CDK18: variants seen among roughly 807,000 people sequenced by gnomAD.
The protein encoded by CDK18 is cyclin dependent kinase 18.
In CDK18, 52 loss-of-function variants were observed where a neutral mutation model predicts 62.0. The observed-to-expected ratio is 0.84, with a 90% CI of 0.67 to 1.06. The LOEUF is 1.06. Among genes scored for constraint, CDK18 ranks in the 50% least tolerant of loss-of-function variants. The pLI is 0.00. For missense variants in CDK18, 604 were observed against 619.9 expected, an observed-to-expected ratio of 0.97 and a Z score of 0.27; for synonymous variants, 237 against 247.0, an observed-to-expected ratio of 0.96 and a Z score of 0.38.
chr1:205,515,604 G>T (rs1667780199), intron 1 of CDK18, among the ~76,000 whole-genome samples: 1 of 152,190 alleles, frequency 6.6e-6, no homozygotes, highest in African/African-American at 2.4e-5. Flanking sequence ...GGAAACTGAG[G>T]CATGGGGTGT....
intron 1 of CDK18, among the ~76,000 whole-genome samples, chr1:205,511,782 G>A (rs1558767784): frequency 2.0e-5 from 3 of 152,278 alleles, no homozygotes; most frequent in South Asian, 2.1e-4. Flanking sequence ...GGCCAGGTGC[G>A]GTGGCTCACA....
chr1:205,529,844 A>G (rs1324566462), intron 13 of CDK18: 2 of 1,344,920 alleles, frequency 1.5e-6, no homozygotes, highest in Non-Finnish European at 2.0e-6. Flanking sequence ...TGGGATTAAT[A>G]CCTATTTTAT....
At chr1:205,530,607 C>G (rs1263757844) in intron 14 of CDK18, 21 bp from the exon 15 acceptor site, 1 of 1,610,678 alleles carries the variant, frequency 6.2e-7, no homozygotes, top group Non-Finnish European at 8.5e-7. Context: ...CCTCTCCAGA[C>G]TATGCACTTC....
intron 7 of CDK18, 55 bp from the exon 8 acceptor site, chr1:205,526,720 G>A (rs1255315113): frequency 6.6e-7 from 1 of 1,513,750 alleles, no homozygotes; most frequent in Admixed American, 1.7e-5. Flanking sequence ...CCTGTGTCTG[G>A]GCTTCTGGCC....
At position 205,526,415 on chromosome 1, in the gene CDK18, A is replaced by T. The variant is rs531160591; in HGVS notation, c.620A>T (p.Asp207Val). 6.2e-7 allele frequency: 1 copy of T among 1,613,936 alleles called. No individual in the cohort carries two copies. The highest frequency in any genetic ancestry group is 1.3e-5 in the African/African-American group (1 of 74,946). ...LKHANIVTLH[D>V]LIHTDRSLTL... is the part of the protein sequence containing the mutation. Reference sequence around the variant, plus strand: ...CACGCCAATATTGTGACCCTGCATGACCTCATCCACACAGATCGGTCCCTC... The same window carrying T: ...CACGCCAATATTGTGACCCTGCATGTCCTCATCCACACAGATCGGTCCCTC... The change falls in exon 7 of 16, where the codon GAC becomes GTC. Residue 207 changes from aspartate (D) to valine (V), a missense_variant. Physicochemically the swap from Asp to Val is radical, Grantham distance 152. Coordinates refer to ENST00000429964, the MANE Select transcript of CDK18 (RefSeq NM_212502.3).
Position 205,516,340 on chromosome 1 carries a change from G to A in CDK18, c.-21-6807G>A, listed in dbSNP as rs567298764. Among the ~76,000 whole-genome samples the A allele has an allele frequency of 7.9e-5, 12 of 152,314 alleles. No individual in the cohort carries two copies. In the South Asian group the frequency reaches 2.5e-3, roughly 32 times the overall value. On this transcript the variant is annotated intron_variant, in intron 1 of 15. Coordinates refer to ENST00000429964, the MANE Select transcript of CDK18 (RefSeq NM_212502.3). This position sits in a 1 kb window ranked among gnomAD's most constrained non-coding sequence, Gnocchi z 4.8. ...TGACCGAGGCAGGGGCAGGGACTGG[G>A]AGATAGGGTGTCATAGGGATCCTGG...
intron 1 of CDK18, 26 bp from the exon 2 acceptor site, chr1:205,523,121 T>A (rs759648137): frequency 6.4e-6 from 10 of 1,562,226 alleles, no homozygotes; most frequent in Non-Finnish European, 8.7e-6. Flanking sequence ...TCTTTTCAAC[T>A]GCTCTTCTCA....
rs1010443645 is a variant in CDK18, at chr1:205,523,468, G to A, written c.131-15G>A. On this transcript the variant is annotated splice_polypyrimidine_tract_variant and intron_variant, in intron 2 of 15. Transcript: ENST00000429964. Reference sequence around the variant, plus strand: ...CAGAGAGGCAGGGAGGGGAGCTGACGCCTGTCCCTCTTAGACTTGCAGCTC... The same window carrying A: ...CAGAGAGGCAGGGAGGGGAGCTGACACCTGTCCCTCTTAGACTTGCAGCTC... 3 of 1,596,890 alleles carry A rather than the reference G, an allele frequency of 1.9e-6. No individual in the cohort carries two copies. The highest frequency in any genetic ancestry group is 3.5e-5 in the Admixed American group (2 of 57,852).
intron 1 of CDK18, among the ~76,000 whole-genome samples, chr1:205,505,526 G>A (rs1271050575): frequency 6.6e-6 from 1 of 152,200 alleles, no homozygotes. Flanking sequence ...AGGAGGCTGG[G>A]TGGGGCCGGG....
chr1:205,514,871 C>T (rs1031881844), intron 1 of CDK18, among the ~76,000 whole-genome samples: 2 of 152,200 alleles, frequency 1.3e-5, no homozygotes, highest in African/African-American at 4.8e-5. Flanking sequence ...GAGGAAGCAT[C>T]TCATTCTACC....
chr1:205,511,778 G>A (rs1667574751), intron 1 of CDK18, among the ~76,000 whole-genome samples: 1 of 152,202 alleles, frequency 6.6e-6, no homozygotes, highest in Non-Finnish European at 1.5e-5. Flanking sequence ...TCTTGGCCAG[G>A]TGCGGTGGCT....
intron 1 of CDK18, among the ~76,000 whole-genome samples, chr1:205,514,903 T>C (rs1400926821): frequency 6.6e-6 from 1 of 152,194 alleles, no homozygotes; most frequent in African/African-American, 2.4e-5. Flanking sequence ...GGTGTGGTCA[T>C]GCACAGTCTC....
chr1:205,530,793 C>A (rs11240505), intron 15 of CDK18, 88 bp downstream of exon 15: 3 of 1,054,484 alleles, frequency 2.8e-6, no homozygotes, highest in Non-Finnish European at 4.4e-6. Flanking sequence ...CCCATGGTCC[C>A]CCCACCACTG....
chr1:205,517,527 C>G lies in CDK18; in HGVS notation c.-21-5620C>G, dbSNP rs1451876720. 2.6e-5 allele frequency among the ~76,000 whole-genome samples: 4 copies of G among 152,102 alleles called. No individual in the cohort carries two copies. Among genetic ancestry groups the G allele is most frequent in the Non-Finnish European group, 1.5e-5 (1 of 68,026 alleles). Reference sequence around the variant, plus strand: ...ATACCACTGTACGTTGAAAATGTCACCTGCCCAACATCCAACTCCTGGTCT... The same window carrying G: ...ATACCACTGTACGTTGAAAATGTCAGCTGCCCAACATCCAACTCCTGGTCT... On this transcript the variant is annotated intron_variant, in intron 1 of 15. Transcript: ENST00000429964. This position sits in a 1 kb window ranked among gnomAD's most constrained non-coding sequence, Gnocchi z 4.1.
chr1:205,505,736 G>A (rs1188442179), intron 1 of CDK18, among the ~76,000 whole-genome samples: 1 of 152,136 alleles, frequency 6.6e-6, no homozygotes, highest in Admixed American at 6.5e-5. Context: ...AAACAGTGAG[G>A]GGTTTTCTGT....
intron 1 of CDK18, among the ~76,000 whole-genome samples, chr1:205,510,509 C>T (rs1020419452): frequency 1.3e-5 from 2 of 152,248 alleles, no homozygotes; most frequent in East Asian, 3.8e-4. Context: ...GCATCCCCTG[C>T]CGTGGCTGGG....
chr1:205,521,422 C>T (rs1668122322), intron 1 of CDK18, among the ~76,000 whole-genome samples: 1 of 152,210 alleles, frequency 6.6e-6, no homozygotes, highest in Admixed American at 6.5e-5. Context: ...CCATGTTGGC[C>T]AGGCTGGTCT....
In CDK18 at chr1:205,528,683, G is replaced by A; in HGVS notation, c.975-316G>A. Reference sequence around the variant, plus strand: ...TCCAGTGGGGCACACAGTGGAGAGAGTTTGAGACAACACTGCTGAGAGAAT... The same window carrying A: ...TCCAGTGGGGCACACAGTGGAGAGAATTTGAGACAACACTGCTGAGAGAAT... On this transcript the variant is annotated intron_variant, in intron 10 of 15. Coordinates refer to ENST00000429964, the MANE Select transcript of CDK18 (RefSeq NM_212502.3). This position sits in a 1 kb window ranked among gnomAD's most constrained non-coding sequence, Gnocchi z 4.2. 2 of 343,678 alleles carry A rather than the reference G, an allele frequency of 5.8e-6. No individual in the cohort carries two copies. Among genetic ancestry groups the A allele is most frequent in the Non-Finnish European group, 1.1e-5 (2 of 189,608 alleles). 21.3% of individuals were successfully genotyped at this position (343,678 alleles called of 1,614,324 possible). A position where few individuals can be genotyped will look rare whatever the true frequency, so the allele number is the denominator to read the frequency against.
rs1342827721 is a variant in CDK18, at chr1:205,516,256, A to G, written c.-21-6891A>G. 2.0e-5 allele frequency among the ~76,000 whole-genome samples: 3 copies of G among 152,082 alleles called. No homozygotes were observed. Among genetic ancestry groups the G allele is most frequent in the Non-Finnish European group, 4.4e-5 (3 of 68,006 alleles). Reference sequence around the variant, plus strand: ...AGGTCCTAGCTCATGACGTCTGCAAACTTGGTCAGCCATGGCCTCTAGTTC... The same window carrying G: ...AGGTCCTAGCTCATGACGTCTGCAAGCTTGGTCAGCCATGGCCTCTAGTTC... On this transcript the variant is annotated intron_variant, in intron 1 of 15. Transcript: ENST00000429964. This position sits in a 1 kb window ranked among gnomAD's most constrained non-coding sequence, Gnocchi z 4.8.
Sources: allele counts gnomAD v4.1 joint callset (sites outside exome capture counted in the v4.1 genomes callset), GRCh38; gene constraint gnomAD v4.1.1; non-coding constraint Gnocchi (gnomAD v3.1); transcripts MANE v1.5; gene names NCBI Gene and HGNC (gene_info 2026-07-23, HGNC 2026-07-21).